GNAI2: variants seen among roughly 807,000 people sequenced by gnomAD.
GNAI2 encodes guanine nucleotide-binding protein G(i) subunit alpha-2.
Under a neutral mutation model 36.8 loss-of-function variants are expected in GNAI2, and 4 were observed. The observed-to-expected ratio is 0.11, with a 90% CI of 0.05 to 0.25. The LOEUF (loss-of-function observed/expected upper bound fraction) is 0.25, where lower values mean the gene tolerates loss of function less well. GNAI2 is among the 10% of genes least tolerant of loss of function. GNAI2 has a pLI of 1.00. For synonymous variants in GNAI2, 194 were observed against 194.1 expected (o/e 1.00, Z 0.01); for missense variants, 230 against 481.3 (o/e 0.48, Z 4.89).
intron 1 of GNAI2, chr3:50,231,018 A>C: frequency 1.1e-6 from 1 of 946,924 alleles, no homozygotes; most frequent in Non-Finnish European, 1.3e-6. Flanking sequence ...TTCAGCTCTC[A>C]GCCTTAATTT....
intron 1 of GNAI2, 138 bp from the exon 2 acceptor site, chr3:50,251,962 C>A: frequency 1.1e-6 from 1 of 935,440 alleles, no homozygotes; most frequent in Non-Finnish European, 1.6e-6. Context: ...GCCCACCAGG[C>A]CCAGCTGCCT....
In GNAI2 at chr3:50,258,982, C is replaced by A. The variant is rs782794532; in HGVS notation, c.*639C>A. The A allele has an allele frequency of 4.5e-6, 2 of 447,204 alleles. No individual in the cohort carries two copies. The highest frequency in any genetic ancestry group is 1.6e-5 in the South Asian group (1 of 62,678). The allele number at this position is 447,204 out of a possible 1,614,324, so 27.7% of individuals were successfully genotyped here. A position where few individuals can be genotyped will look rare whatever the true frequency, so the allele number is the denominator to read the frequency against. On this transcript the variant is annotated 3_prime_UTR_variant, in exon 9 of 9. Coordinates refer to ENST00000313601, the MANE Select transcript of GNAI2 (RefSeq NM_002070.4). ...AGATCCTGACCAGCAAGCCCCCCCCCAGCCCCCCTTCCAAGTGACTCCGTG... is the reference window on the plus strand; with the variant it reads ...AGATCCTGACCAGCAAGCCCCCCCCAAGCCCCCCTTCCAAGTGACTCCGTG...
chr3:50,252,989 C>T lies in GNAI2; in HGVS notation c.304-35C>T, dbSNP rs1189485606. ...GCCTCTGGCAGAGTGGGGGTACATT[C>T]CTTCAACTGCCTGACCACCCGCCAC... On this transcript the variant is annotated intron_variant, in intron 3 of 8. Coordinates refer to ENST00000313601, the MANE Select transcript of GNAI2 (RefSeq NM_002070.4). This position sits in a 1 kb window ranked among gnomAD's most constrained non-coding sequence, Gnocchi z 4.1. 1 of 1,549,298 alleles carries T rather than the reference C, an allele frequency of 6.5e-7. No homozygotes were observed. The highest frequency in any genetic ancestry group is 8.8e-7 in the Non-Finnish European group (1 of 1,137,908).
intron 1 of GNAI2, among the ~76,000 whole-genome samples, chr3:50,250,862 C>T (rs1241543638): frequency 4.6e-5 from 7 of 150,742 alleles, no homozygotes; most frequent in South Asian, 2.1e-4. Context: ...CAGGCTGGAG[C>T]GCAATGGCAC....
intron 1 of GNAI2, among the ~76,000 whole-genome samples, chr3:50,247,532 G>A (rs1272529025): frequency 1.1e-4 from 17 of 152,370 alleles, no homozygotes; most frequent in African/African-American, 3.6e-4. Context: ...GACAAGACCT[G>A]TGGGCCTGTC....
At chr3:50,237,512 C>T (rs1700203058) in intron 1 of GNAI2, among the ~76,000 whole-genome samples, 1 of 152,194 alleles carries the variant, frequency 6.6e-6, no homozygotes, top group South Asian at 2.1e-4. Flanking sequence ...GCTGCCCACA[C>T]CCCTTCTGGG....
upstream of GNAI2, chr3:50,236,180 G>C (rs1389786664): frequency 9.4e-6 from 11 of 1,171,212 alleles, no homozygotes; most frequent in South Asian, 4.2e-5. The surrounding 1 kb of genome is among the most constrained non-coding windows in gnomAD (Gnocchi z 4.0). Flanking sequence ...GTCGGTGCGC[G>C]GCGGTAGGGA....
At position 50,258,985 on chromosome 3, in the gene GNAI2, C is replaced by T; in HGVS notation, c.*642C>T. 4.5e-6 allele frequency: 2 copies of T among 444,792 alleles called. No homozygotes were observed. 27.6% of individuals were successfully genotyped at this position (444,792 alleles called of 1,614,324 possible). ...TCCTGACCAGCAAGCCCCCCCCCAG[C>T]CCCCCTTCCAAGTGACTCCGTGCCT... On this transcript the variant is annotated 3_prime_UTR_variant, in exon 9 of 9. Coordinates refer to ENST00000313601, the MANE Select transcript of GNAI2 (RefSeq NM_002070.4).
rs1276385312 is a variant in GNAI2 at position 50,252,874 on chromosome 3, AAAC to A, written c.304-138_304-136del. ...GCTAGACTCCGTCACAGAAAAAAGT[AAAC>A]AACAACAACAAAAAGGTTTTAGGGC... On this transcript the variant is annotated intron_variant, in intron 3 of 8. Transcript: ENST00000313601. The surrounding 1 kb of genome is among the most constrained non-coding windows in gnomAD (Gnocchi z 4.1). 1.1e-5 allele frequency: 7 copies of A among 664,662 alleles called. No individual in the cohort carries two copies. The highest frequency in any genetic ancestry group is 3.6e-5 in the African/African-American group (2 of 55,710). The allele number at this position is 664,662 out of a possible 1,614,324, so 41.2% of individuals were successfully genotyped here.
At chr3:50,248,866 C>T (rs1700481461) in intron 1 of GNAI2, among the ~76,000 whole-genome samples, 1 of 152,080 alleles carries the variant, frequency 6.6e-6, no homozygotes, top group Non-Finnish European at 1.5e-5. Context: ...AGCAGATATC[C>T]TGGCTCCTAG....
chr3:50,244,554 G>A (rs906358460), intron 1 of GNAI2, among the ~76,000 whole-genome samples: 29 of 152,232 alleles, frequency 1.9e-4, no homozygotes, highest in African/African-American at 7.0e-4. Flanking sequence ...GGAGTGAAAT[G>A]AAAGCATGTT....
chr3:50,256,620 C>T, intron 5 of GNAI2, 103 bp from the exon 6 acceptor site: 1 of 1,265,168 alleles, frequency 7.9e-7, no homozygotes. Context: ...GGTAGCTGCC[C>T]TACTCTGGGC....
Position 50,258,978 on chromosome 3 carries a change from C to T in GNAI2, c.*635C>T, listed in dbSNP as rs920323356. The T allele has an allele frequency of 6.7e-6, 3 of 446,944 alleles. No homozygotes were observed. The highest frequency in any genetic ancestry group is 2.5e-5 in the Admixed American group (1 of 39,492). The allele number at this position is 446,944 out of a possible 1,614,324, so 27.7% of individuals were successfully genotyped here. A position where few individuals can be genotyped will look rare whatever the true frequency, so the allele number is the denominator to read the frequency against. ...TGTCAGATCCTGACCAGCAAGCCCC[C>T]CCCCAGCCCCCCTTCCAAGTGACTC... On this transcript the variant is annotated 3_prime_UTR_variant, in exon 9 of 9. Coordinates refer to ENST00000313601, the MANE Select transcript of GNAI2 (RefSeq NM_002070.4).
At position 50,253,819 on chromosome 3, in the gene GNAI2, T is replaced by G. The variant is rs912203842; in HGVS notation, c.464+635T>G. 1.3e-4 allele frequency among the ~76,000 whole-genome samples: 19 copies of G among 151,942 alleles called. No homozygotes were observed. The highest frequency in any genetic ancestry group is 4.6e-4 in the African/African-American group (19 of 41,342). On this transcript the variant is annotated intron_variant, in intron 4 of 8. Coordinates refer to ENST00000313601, the MANE Select transcript of GNAI2 (RefSeq NM_002070.4). This position sits in a 1 kb window ranked among gnomAD's most constrained non-coding sequence, Gnocchi z 4.2. ...AGCAAAGTCCCCATGCAGTGACAAT[T>G]TAGGGTGTTAGTGAAAAGGTAGAGG...
chr3:50,236,142 C>T, upstream of GNAI2: 2 of 1,143,350 alleles, frequency 1.7e-6, no homozygotes, highest in Non-Finnish European at 2.2e-6. This position sits in a 1 kb window ranked among gnomAD's most constrained non-coding sequence, Gnocchi z 4.0. Context: ...CTTGGTTCGC[C>T]CAGGCCCCAC....
At position 50,257,517 on chromosome 3, in the gene GNAI2, G is replaced by A; in HGVS notation, c.895G>A (p.Glu299Lys). ...TCCCCCAGGGGCCAACAAATATGAT[G>A]AGGCAGCCAGCTACATCCAGAGTAA... is the stretch of plus-strand genomic sequence containing the variant. ...PEYTGANKYD[E>K]AASYIQSKFE... Residue 299 changes from glutamate (E) to lysine (K), a missense_variant, in exon 8 of 9, where the codon GAG becomes AAG. Around this residue, in one of 4 missense-constraint regions of GNAI2, gnomAD observed 51 missense variants for 56.7 expected, o/e 0.90. Transcript: ENST00000313601. The A allele has an allele frequency of 1.3e-6, 2 of 1,564,932 alleles. No individual in the cohort carries two copies. The highest frequency in any genetic ancestry group is 1.7e-6 in the Non-Finnish European group (2 of 1,152,206).
intron 4 of GNAI2, among the ~76,000 whole-genome samples, chr3:50,254,162 T>G (rs1000759932): frequency 1.3e-5 from 2 of 152,160 alleles, no homozygotes; most frequent in African/African-American, 4.8e-5. Flanking sequence ...TCCACAGTTC[T>G]GAACTCCTTC....
At chr3:50,239,890 C>G (rs1553700826) in intron 1 of GNAI2, 1 of 152,382 alleles carries the variant, frequency 6.6e-6, no homozygotes, top group East Asian at 1.9e-4. Flanking sequence ...GGGGCTGCTC[C>G]GCAGCCCTGG....
chr3:50,244,124 G>T (rs945649131), intron 1 of GNAI2, among the ~76,000 whole-genome samples: 1 of 150,786 alleles, frequency 6.6e-6, no homozygotes, highest in Non-Finnish European at 1.5e-5. Flanking sequence ...CGCCTCCTGG[G>T]TTCAAGCGAT....
Sources: gnomAD v4.1 joint callset for allele counts (sites outside exome capture counted in the v4.1 genomes callset) on GRCh38, gnomAD v4.1.1 for gene constraint, gnomAD v4.1.1 regional missense constraint, Gnocchi (gnomAD v3.1) non-coding constraint, MANE v1.5 for transcripts, NCBI Gene and HGNC (gene_info 2026-07-23, HGNC 2026-07-21) for gene names.